The following WWP1 variants were observed in gnomAD, a reference collection of about 807,000 sequenced individuals.
WWP1 encodes the protein WW domain containing E3 ubiquitin protein ligase 1, also known as NEDD4-like E3 ubiquitin-protein ligase WWP1.
In WWP1, 49 loss-of-function variants were observed where a neutral mutation model predicts 130.6. The ratio of observed to expected loss-of-function variants is 0.38; its 90% CI spans 0.30 to 0.48. The LOEUF (loss-of-function observed/expected upper bound fraction) is 0.48, where lower values mean the gene tolerates loss of function less well. Among genes scored for constraint, WWP1 ranks in the 20% least tolerant of loss-of-function variants. WWP1 has a pLI of 0.99. For missense variants in WWP1, 809 were observed against 1,100.6 expected (o/e 0.74, Z 3.75); for synonymous variants, 332 against 367.8 (o/e 0.90, Z 1.11).
At chr8:86,439,358 G>C (rs1001019910) in intron 17 of WWP1, among the ~76,000 whole-genome samples, 2 of 113,798 alleles carry the variant, frequency 1.8e-5, no homozygotes, top group Non-Finnish European at 3.9e-5. Context: ...AAAAAAAAAA[G>C]TTTTTAAAGC....
At chr8:86,449,691 C>T (rs564789058) in intron 20 of WWP1, among the ~76,000 whole-genome samples, 34 of 152,350 alleles carry the variant, frequency 2.2e-4, no homozygotes, top group Admixed American at 1.8e-3. Flanking sequence ...TTGCCTCCTA[C>T]TGATGTCTTC....
chr8:86,358,162 CCTTTA>C (rs1339340157), intron 1 of WWP1, among the ~76,000 whole-genome samples: 2 of 151,998 alleles, frequency 1.3e-5, no homozygotes, highest in African/African-American at 4.8e-5. Context: ...CATTTTAGAT[CCTTTA>C]CTTTTGTATT....
At chr8:86,412,020 TA>T in intron 9 of WWP1, 146 bp downstream of exon 9, 1 of 802,762 alleles carries the variant, frequency 1.2e-6, no homozygotes, top group East Asian at 2.7e-5. Context: ...ATTTACTTGC[TA>T]CAAAACAAGT....
chr8:86,384,325 A>C (rs944050871), intron 5 of WWP1, among the ~76,000 whole-genome samples: 1 of 152,228 alleles, frequency 6.6e-6, no homozygotes, highest in Non-Finnish European at 1.5e-5. Context: ...TGATAGTATC[A>C]TAATCCTTTT....
At chr8:86,413,329 C>T (rs1808695098) in intron 9 of WWP1, among the ~76,000 whole-genome samples, 1 of 152,098 alleles carries the variant, frequency 6.6e-6, no homozygotes, top group Non-Finnish European at 1.5e-5. Flanking sequence ...GTGCCAGTCA[C>T]TGTGGCAAAG....
intron 22 of WWP1, among the ~76,000 whole-genome samples, chr8:86,460,102 A>G (rs891217682): frequency 2.0e-5 from 3 of 152,242 alleles, no homozygotes; most frequent in Non-Finnish European, 4.4e-5. Context: ...TCAAATTAGT[A>G]GTTCACCACC....
chr8:86,428,751 G>A (rs1809768861), intron 11 of WWP1, among the ~76,000 whole-genome samples: 1 of 152,066 alleles, frequency 6.6e-6, no homozygotes, highest in African/African-American at 2.4e-5. Context: ...ACAGAAATCT[G>A]TGGTAAGGTT....
At chr8:86,358,641 GT>G (rs199656588) in intron 1 of WWP1, among the ~76,000 whole-genome samples, 2 of 149,824 alleles carry the variant, frequency 1.3e-5, no homozygotes, top group Non-Finnish European at 3.0e-5. Flanking sequence ...CCCAGCTATT[GT>G]TTTTTTTTAA....
intron 9 of WWP1, among the ~76,000 whole-genome samples, chr8:86,418,196 C>T (rs1264172437): frequency 2.0e-5 from 3 of 152,098 alleles, no homozygotes; most frequent in Non-Finnish European, 2.9e-5. Flanking sequence ...TATTAAACTC[C>T]TTGTCTGTGT....
rs79072349 is a variant in WWP1, at chr8:86,361,657, C to T, written c.-114-7282C>T. On this transcript the variant is annotated intron_variant, in intron 1 of 24. Coordinates refer to ENST00000517970, the MANE Select transcript of WWP1 (RefSeq NM_007013.4). ...GGCACAGAATGCCTTGAAAGCATGT[C>T]TTTCCTTTCCACTTCTTTCCTTTTG... Among the ~76,000 whole-genome samples, 989 of 152,034 alleles carry T rather than the reference C, an allele frequency of 6.5e-3. 10 individuals carry two copies. Among genetic ancestry groups the T allele is most frequent in the African/African-American group, 0.023 (949 of 41,452 alleles).
At chr8:86,405,920 A>C (rs139873531) in intron 8 of WWP1, among the ~76,000 whole-genome samples, 1 of 152,314 alleles carries the variant, frequency 6.6e-6, no homozygotes, top group Non-Finnish European at 1.5e-5. Flanking sequence ...GTGGGTCAAT[A>C]CTAAGGGGTT....
At chr8:86,364,514 ATTG>A (rs1411927609) in intron 1 of WWP1, among the ~76,000 whole-genome samples, 1 of 152,160 alleles carries the variant, frequency 6.6e-6, no homozygotes, top group African/African-American at 2.4e-5. Flanking sequence ...TTTCTGTGTA[ATTG>A]TTTGAGAGGA....
At chr8:86,431,854 A>T in intron 14 of WWP1, 111 bp downstream of exon 14, 2 of 1,421,872 alleles carry the variant, frequency 1.4e-6, no homozygotes, top group Non-Finnish European at 1.9e-6. Context: ...GGTTCAAGAA[A>T]ACCTACACAA....
intron 5 of WWP1, among the ~76,000 whole-genome samples, chr8:86,392,196 T>C (rs914037523): frequency 6.6e-6 from 1 of 152,140 alleles, no homozygotes; most frequent in Admixed American, 6.5e-5. Flanking sequence ...GAGTTTGCAG[T>C]TTTTCTAGGC....
intron 9 of WWP1, among the ~76,000 whole-genome samples, chr8:86,414,925 A>C (rs891199712): frequency 1.6e-5 from 2 of 123,268 alleles, no homozygotes; most frequent in East Asian, 2.8e-4. Context: ...CGATTAGGCA[A>C]CTGGGTCATG....
chr8:86,389,132 A>G (rs1825458928), intron 5 of WWP1, among the ~76,000 whole-genome samples: 1 of 152,120 alleles, frequency 6.6e-6, no homozygotes, highest in South Asian at 2.1e-4. Flanking sequence ...GAGACATACA[A>G]AACATATAAA....
intron 8 of WWP1, among the ~76,000 whole-genome samples, chr8:86,409,558 T>C (rs1203867928): frequency 6.6e-6 from 1 of 150,902 alleles, no homozygotes; most frequent in African/African-American, 2.4e-5. Flanking sequence ...TTCTTGATCT[T>C]AATAGAAGTT....
At chr8:86,457,889 T>C (rs1307655877) in intron 21 of WWP1, 32 bp from the exon 22 acceptor site, 5 of 1,590,266 alleles carry the variant, frequency 3.1e-6, no homozygotes, top group South Asian at 1.1e-5. Context: ...ACTAAATCTT[T>C]ATTGTGGCCT....
At chr8:86,346,842 C>G (rs183664414) in intron 1 of WWP1, among the ~76,000 whole-genome samples, 1 of 152,042 alleles carries the variant, frequency 6.6e-6, no homozygotes, top group Non-Finnish European at 1.5e-5. Context: ...AAAACATACA[C>G]AGATGAATTT....
Sources: gnomAD v4.1 joint callset for allele counts (sites outside exome capture counted in the v4.1 genomes callset) on GRCh38, gnomAD v4.1.1 for gene constraint, MANE v1.5 for transcripts, NCBI Gene and HGNC (gene_info 2026-07-23, HGNC 2026-07-21) for gene names.